The following EGFLAM variants were observed in gnomAD, a reference collection of about 807,000 sequenced individuals.
EGFLAM encodes the protein EGF like, fibronectin type III and laminin G domains, also known as pikachurin.
Under a neutral mutation model 113.1 loss-of-function variants are expected in EGFLAM, and 79 were observed. The observed-to-expected ratio is 0.70, with a 90% CI of 0.58 to 0.84. The LOEUF (loss-of-function observed/expected upper bound fraction) is 0.84, where lower values mean the gene tolerates loss of function less well. EGFLAM is among the 40% of genes least tolerant of loss of function. The pLI is 0.00. For synonymous variants in EGFLAM, 504 were observed against 487.6 expected, an observed-to-expected ratio of 1.03 and a Z score of -0.44; for missense variants, 1,265 against 1,291.6, an observed-to-expected ratio of 0.98 and a Z score of 0.32.
chr5:38,261,465 A>G (rs1251147127), intron 1 of EGFLAM, among the ~76,000 whole-genome samples: 2 of 152,186 alleles, frequency 1.3e-5, no homozygotes, highest in Non-Finnish European at 2.9e-5. Context: ...TGAAGGAGAA[A>G]TTGTGGCTTA....
At chr5:38,295,112 T>A (rs1481590964) in intron 1 of EGFLAM, among the ~76,000 whole-genome samples, 1 of 152,166 alleles carries the variant, frequency 6.6e-6, no homozygotes, top group Non-Finnish European at 1.5e-5. Context: ...CAGGCATGAG[T>A]CACTGCGCCT....
intron 5 of EGFLAM, among the ~76,000 whole-genome samples, chr5:38,354,060 T>G (rs926554310): frequency 6.6e-6 from 1 of 152,168 alleles, no homozygotes; most frequent in Non-Finnish European, 1.5e-5. Flanking sequence ...AAACCTGGTG[T>G]ATGTGGATTG....
Position 38,383,423 on chromosome 5 carries a change from T to G in EGFLAM, c.712+12961T>G, listed in dbSNP as rs537162757. On this transcript the variant is annotated intron_variant, in intron 6 of 21. Transcript: ENST00000322350. ...AACAAATTTGTCAGGCCTTTTTTTT[T>G]TTTTTTAACATTACCCCTGAAAACT... 2.1e-3 allele frequency among the ~76,000 whole-genome samples: 314 copies of G among 152,184 alleles called. 2 individuals are homozygous for G. Among genetic ancestry groups the G allele is most frequent in the African/African-American group, 7.0e-3 (290 of 41,512 alleles).
In EGFLAM at chr5:38,464,039, G is replaced by T; in HGVS notation, c.*53G>T. ...AGCCTTCTATTCTGAGAATCCCAGG[G>T]GCCCTCAGACCCTGCCTGATGCTAT... On this transcript the variant is annotated 3_prime_UTR_variant, in exon 22 of 22. Coordinates refer to ENST00000322350, the MANE Select transcript of EGFLAM (RefSeq NM_152403.4). The T allele has an allele frequency of 6.2e-7, 1 of 1,610,780 alleles. No individual in the cohort carries two copies. Among genetic ancestry groups the T allele is most frequent in the Non-Finnish European group, 8.5e-7 (1 of 1,178,098 alleles).
rs16903968 is a variant in EGFLAM, at chr5:38,428,441, A to G, written c.2054+1189A>G. Among the ~76,000 whole-genome samples the G allele has an allele frequency of 4.5e-3, 689 of 152,356 alleles. 5 individuals are homozygous for G. The highest frequency in any genetic ancestry group is 0.016 in the African/African-American group (653 of 41,578). ...GACAAATATTGTTGTACCTCTGGTT[A>G]TGCAAAAACATCCTATATTTCAAGA... On this transcript the variant is annotated intron_variant, in intron 14 of 21. Transcript: ENST00000322350.
At chr5:38,270,305 CTG>C (rs565731310) in intron 1 of EGFLAM, among the ~76,000 whole-genome samples, 346 of 152,342 alleles carry the variant, frequency 2.3e-3, no homozygotes, top group African/African-American at 8.0e-3. Context: ...AGATGACACT[CTG>C]AAGCTTTCCA....
chr5:38,420,436 G>A (rs972477999), intron 12 of EGFLAM, among the ~76,000 whole-genome samples: 4 of 152,178 alleles, frequency 2.6e-5, no homozygotes, highest in Non-Finnish European at 4.4e-5. Context: ...TCCATCAGGA[G>A]TCACATGCCT....
chr5:38,299,342 C>T (rs1290305894), intron 1 of EGFLAM, among the ~76,000 whole-genome samples: 1 of 152,134 alleles, frequency 6.6e-6, no homozygotes, highest in Non-Finnish European at 1.5e-5. Flanking sequence ...CATATAGAAG[C>T]CACAGCCCAG....
At chr5:38,426,724 A>G (rs977093745) in intron 13 of EGFLAM, among the ~76,000 whole-genome samples, 1 of 152,182 alleles carries the variant, frequency 6.6e-6, no homozygotes, top group Non-Finnish European at 1.5e-5. Context: ...TGGCTCTTCT[A>G]GGGCCTTAGA....
intron 20 of EGFLAM, among the ~76,000 whole-genome samples, chr5:38,461,721 A>G (rs772783582): frequency 1.3e-5 from 2 of 152,198 alleles, no homozygotes; most frequent in Non-Finnish European, 2.9e-5. Flanking sequence ...CCCTAGTGCT[A>G]TAGAAGCAAA....
intron 6 of EGFLAM, among the ~76,000 whole-genome samples, chr5:38,377,618 G>A (rs1740399957): frequency 6.6e-6 from 1 of 152,212 alleles, no homozygotes; most frequent in Non-Finnish European, 1.5e-5. Flanking sequence ...AAAGGAAACA[G>A]TTGTTCTAGA....
At chr5:38,316,471 A>C (rs1222001114) in intron 1 of EGFLAM, among the ~76,000 whole-genome samples, 1 of 152,150 alleles carries the variant, frequency 6.6e-6, no homozygotes, top group Non-Finnish European at 1.5e-5. Flanking sequence ...TCACTCCTAA[A>C]ATAGGACAAT....
chr5:38,401,968 T>G (rs146341180), intron 6 of EGFLAM: 1 of 152,330 alleles, frequency 6.6e-6, no homozygotes, highest in African/African-American at 2.4e-5. Flanking sequence ...GGAGTCACCA[T>G]TTTTCCCAGA....
intron 1 of EGFLAM, among the ~76,000 whole-genome samples, chr5:38,277,661 C>T (rs552000643): frequency 1.3e-5 from 2 of 151,980 alleles, no homozygotes; most frequent in Admixed American, 1.3e-4. Context: ...TAGAGAAGAC[C>T]GTAGATGCCA....
In EGFLAM at chr5:38,339,457, A is replaced by G. The variant is rs531367115; in HGVS notation, c.291+676A>G. The stretch of plus-strand genomic sequence containing the variant: ...CACCAGTGCTCATAACACTATTATA[A>G]TGGTGGTGGTGGTGCTAACTCCTGT... On this transcript the variant is annotated intron_variant, in intron 3 of 21. Coordinates refer to ENST00000322350, the MANE Select transcript of EGFLAM (RefSeq NM_152403.4). 2.8e-4 allele frequency among the ~76,000 whole-genome samples: 42 copies of G among 152,288 alleles called. No individual in the cohort carries two copies. The South Asian group carries it at 3.7e-3, about 14-fold the overall frequency.
intron 17 of EGFLAM, among the ~76,000 whole-genome samples, chr5:38,442,973 G>A (rs939454724): frequency 1.3e-5 from 2 of 152,200 alleles, no homozygotes; most frequent in African/African-American, 4.8e-5. Flanking sequence ...CTTTTAAGAT[G>A]ATTAGAGTCA....
At chr5:38,364,837 A>G (rs1419641989) in intron 5 of EGFLAM, among the ~76,000 whole-genome samples, 1 of 152,140 alleles carries the variant, frequency 6.6e-6, no homozygotes, top group Non-Finnish European at 1.5e-5. Context: ...TTATGAGATG[A>G]TGTTTAGAAG....
chr5:38,421,101 T>G lies in EGFLAM; in HGVS notation c.1684+2846T>G, dbSNP rs575768911. Among the ~76,000 whole-genome samples the G allele has an allele frequency of 5.9e-4, 90 of 152,290 alleles. 1 individual carries two copies. The highest frequency in any genetic ancestry group is 2.1e-3 in the African/African-American group (89 of 41,540). On this transcript the variant is annotated intron_variant, in intron 12 of 21. Coordinates refer to ENST00000322350, the MANE Select transcript of EGFLAM (RefSeq NM_152403.4). The stretch of plus-strand genomic sequence containing the variant: ...AGCCTCACCAGGGAGGTCATGGTTC[T>G]CCATCTGATATCTCTAACTTGTCAT...
intron 12 of EGFLAM, among the ~76,000 whole-genome samples, chr5:38,421,976 G>A (rs1741838905): frequency 6.6e-6 from 1 of 152,104 alleles, no homozygotes; most frequent in Non-Finnish European, 1.5e-5. Flanking sequence ...ATTGCAGTAG[G>A]TCACATGACA....
Sources: allele counts gnomAD v4.1 joint callset (sites outside exome capture counted in the v4.1 genomes callset), GRCh38; gene constraint gnomAD v4.1.1; transcripts MANE v1.5; gene names NCBI Gene and HGNC (gene_info 2026-07-23, HGNC 2026-07-21).